The following ADAMTS12 variants were observed in gnomAD, a reference collection of about 807,000 sequenced individuals.
ADAMTS12 encodes the protein ADAM metallopeptidase with thrombospondin type 1 motif 12, also known as A disintegrin and metalloproteinase with thrombospondin motifs 12.
A neutral mutation model predicts 167.8 loss-of-function variants in ADAMTS12; 118 were observed. The observed-to-expected ratio is 0.70, with a 90% confidence interval of 0.61 to 0.82. The LOEUF is 0.82. Among genes scored for constraint, ADAMTS12 ranks in the 40% least tolerant of loss-of-function variants. The pLI is 0.00. For synonymous variants in ADAMTS12, 704 were observed against 716.9 expected (o/e 0.98, Z 0.29); for missense variants, 1,916 against 1,998.8 (o/e 0.96, Z 0.79).
chr5:33,697,219 G>C (rs1742813691), intron 3 of ADAMTS12, among the ~76,000 whole-genome samples: 1 of 152,152 alleles, frequency 6.6e-6, no homozygotes, highest in African/African-American at 2.4e-5. Flanking sequence ...GAAAGATAAG[G>C]TACAAATAAT....
chr5:33,531,183 C>T (rs1744082673), intron 23 of ADAMTS12, among the ~76,000 whole-genome samples: 1 of 152,312 alleles, frequency 6.6e-6, no homozygotes, highest in Middle Eastern at 3.4e-3. Flanking sequence ...TGGCCGGCAA[C>T]CGCCAGCAGC....
chr5:33,706,764 T>G (rs1743216380), intron 3 of ADAMTS12, among the ~76,000 whole-genome samples: 4 of 152,200 alleles, frequency 2.6e-5, no homozygotes, highest in Admixed American at 2.6e-4. Flanking sequence ...ACCTTCATGC[T>G]AAAAACTCTC....
At chr5:33,532,780 C>A (rs1036126969) in intron 23 of ADAMTS12, among the ~76,000 whole-genome samples, 15 of 151,982 alleles carry the variant, frequency 9.9e-5, no homozygotes, top group Admixed American at 6.6e-4. Flanking sequence ...GGAAACTAAA[C>A]CTTATATGAA....
chr5:33,770,838 CCCT>C (rs145791559), intron 2 of ADAMTS12, among the ~76,000 whole-genome samples: 17,049 of 150,852 alleles, frequency 0.11, 1,199 homozygotes, highest in Non-Finnish European at 0.15. Flanking sequence ...CTTCCTCTTC[CCCT>C]CCTCCTCCTC....
At chr5:33,751,356 A>G (rs764190455) in intron 3 of ADAMTS12, 48 bp downstream of exon 3, 1 of 1,613,470 alleles carries the variant, frequency 6.2e-7, no homozygotes, top group South Asian at 1.1e-5. Flanking sequence ...AACAACCAAA[A>G]GAACAAAACA....
intron 18 of ADAMTS12, among the ~76,000 whole-genome samples, chr5:33,585,332 CTAT>C (rs968877070): frequency 6.6e-6 from 1 of 152,154 alleles, no homozygotes; most frequent in Non-Finnish European, 1.5e-5. Flanking sequence ...CAAAATAACC[CTAT>C]TATTCTCATG....
At chr5:33,658,464 A>C in intron 6 of ADAMTS12, 131 bp from the exon 7 acceptor site, 1 of 1,035,798 alleles carries the variant, frequency 9.7e-7, no homozygotes, top group Non-Finnish European at 1.4e-6. Flanking sequence ...TAAAAAGTCT[A>C]CATGAATGTA....
intron 5 of ADAMTS12, among the ~76,000 whole-genome samples, chr5:33,663,219 A>G (rs958907313): frequency 2.6e-5 from 4 of 152,178 alleles, no homozygotes; most frequent in African/African-American, 7.2e-5. Flanking sequence ...TTATTTAATA[A>G]TTTTCATTGT....
At chr5:33,810,537 A>C (rs1388202366) in intron 2 of ADAMTS12, among the ~76,000 whole-genome samples, 1 of 152,132 alleles carries the variant, frequency 6.6e-6, no homozygotes, top group Non-Finnish European at 1.5e-5. Flanking sequence ...CTTTTATTGT[A>C]AGCAATTTCA....
chr5:33,715,428 A>G (rs1295604134), intron 3 of ADAMTS12, among the ~76,000 whole-genome samples: 1 of 152,146 alleles, frequency 6.6e-6, no homozygotes, highest in Admixed American at 6.6e-5. Flanking sequence ...CTGGATGGAA[A>G]TAAGTTTTTT....
At chr5:33,528,517 C>T (rs1292494231) in intron 23 of ADAMTS12, among the ~76,000 whole-genome samples, 2 of 152,198 alleles carry the variant, frequency 1.3e-5, no homozygotes, top group African/African-American at 4.8e-5. Context: ...TAGTTGAATG[C>T]AGTGTCTTCC....
chr5:33,536,012 G>A (rs1193789125), intron 22 of ADAMTS12, among the ~76,000 whole-genome samples: 4 of 152,168 alleles, frequency 2.6e-5, no homozygotes, highest in Non-Finnish European at 5.9e-5. Flanking sequence ...AGGGAGATTC[G>A]CTGGCCTGGG....
chr5:33,695,102 C>T (rs1390626972), intron 3 of ADAMTS12, among the ~76,000 whole-genome samples: 3 of 152,166 alleles, frequency 2.0e-5, no homozygotes, highest in Non-Finnish European at 4.4e-5. Context: ...AGTAAAGTCA[C>T]AGTATGTATT....
chr5:33,799,047 T>G (rs772176800), intron 2 of ADAMTS12, among the ~76,000 whole-genome samples: 2 of 152,114 alleles, frequency 1.3e-5, no homozygotes, highest in African/African-American at 4.8e-5. Context: ...ACTTTCCCCA[T>G]GAACACAGGG....
chr5:33,847,569 G>C (rs1474822699), intron 2 of ADAMTS12, among the ~76,000 whole-genome samples: 1 of 151,918 alleles, frequency 6.6e-6, no homozygotes, highest in Non-Finnish European at 1.5e-5. Flanking sequence ...ATTGTGGTGA[G>C]CCGAGATCGC....
At chr5:33,550,066 G>C (rs1056866907) in intron 20 of ADAMTS12, among the ~76,000 whole-genome samples, 1 of 152,020 alleles carries the variant, frequency 6.6e-6, no homozygotes, top group African/African-American at 2.4e-5. Flanking sequence ...ACTTGCCCCC[G>C]ATAGCCACTA....
chr5:33,548,064 G>A lies in ADAMTS12; in HGVS notation c.4302+1143C>T, dbSNP rs543344054. Reference sequence around the variant, plus strand: ...CAGGAATCAGTGTGGATGCTTGGCCGGTGGGTGGTAAGTAACTCGGGGCTC... The same window carrying A: ...CAGGAATCAGTGTGGATGCTTGGCCAGTGGGTGGTAAGTAACTCGGGGCTC... On this transcript the variant is annotated intron_variant, in intron 21 of 23. Coordinates refer to ENST00000504830, the MANE Select transcript of ADAMTS12 (RefSeq NM_030955.4). Among the ~76,000 whole-genome samples the A allele has an allele frequency of 4.6e-5, 7 of 152,188 alleles. No individual in the cohort carries two copies. In the South Asian group the frequency reaches 6.2e-4, roughly 14 times the overall value.
rs1361428646 is a variant in ADAMTS12 at position 33,881,204 on chromosome 5, G to A, written c.404C>T (p.Ser135Phe). The A allele has an allele frequency of 6.2e-7, 1 of 1,614,210 alleles. No individual in the cohort carries two copies. The change falls in exon 2 of 24, where the codon TCT (serine) becomes TTT (phenylalanine). Residue 135 changes from serine to phenylalanine, a missense_variant. By Grantham distance (155) the Ser-to-Phe change is radical (BLOSUM62 -2). Coordinates refer to ENST00000504830, the MANE Select transcript of ADAMTS12 (RefSeq NM_030955.4). ...GCCACTGAGATGGCAGAGGGGGGCA[G>A]AGGAAGCCATCATCTTAACATGGGA... ...NLSHVKMMAS[S>F]APLCHLSGTV... is the part of the protein sequence containing the mutation.
rs77585638 is a variant in ADAMTS12 at position 33,672,653 on chromosome 5, C to T, written c.915+10365G>A. 9.5e-3 allele frequency among the ~76,000 whole-genome samples: 1,447 copies of T among 152,292 alleles called. 21 individuals are homozygous for T. The highest frequency in any genetic ancestry group is 0.034 in the African/African-American group (1,395 of 41,546). ...TTTGAAAATCTTACATTCCAATCTACGTGTGTCTGTTTCGAAAAAGCGAAT... is the reference window on the plus strand; with the variant it reads ...TTTGAAAATCTTACATTCCAATCTATGTGTGTCTGTTTCGAAAAAGCGAAT... On this transcript the variant is annotated intron_variant, in intron 5 of 23. Coordinates refer to ENST00000504830, the MANE Select transcript of ADAMTS12 (RefSeq NM_030955.4).
Sources: gnomAD v4.1 joint callset for allele counts (sites outside exome capture counted in the v4.1 genomes callset) on GRCh38, gnomAD v4.1.1 for gene constraint, MANE v1.5 for transcripts, NCBI Gene and HGNC (gene_info 2026-07-23, HGNC 2026-07-21) for gene names.